The following LRRK1 variants were observed in gnomAD, a reference collection of about 807,000 sequenced individuals.
LRRK1 encodes leucine-rich repeat serine/threonine-protein kinase 1.
A neutral mutation model predicts 209.1 loss-of-function variants in LRRK1; 113 were observed. The observed-to-expected ratio is 0.54, with a 90% CI of 0.46 to 0.63. The LOEUF (loss-of-function observed/expected upper bound fraction) is 0.63. Ranked by LOEUF, LRRK1 falls within the 30% of genes least tolerant of loss-of-function variation. LRRK1 has a pLI of 0.00. For synonymous variants in LRRK1, 1,144 were observed against 1,099.7 expected, an observed-to-expected ratio of 1.04 and a Z score of -0.80; for missense variants, 2,284 against 2,632.2, an observed-to-expected ratio of 0.87 and a Z score of 2.89.
chr15:101,054,586 C>G (rs1017660343), intron 26 of LRRK1, among the ~76,000 whole-genome samples: 1 of 152,164 alleles, frequency 6.6e-6, no homozygotes, highest in Admixed American at 6.5e-5. Context: ...GCGGGCAGGT[C>G]GCTTAAAGCC....
chr15:101,012,069 G>A lies in LRRK1; in HGVS notation c.1343G>A (p.Trp448Ter). 1 of 1,612,162 alleles carries A rather than the reference G, an allele frequency of 6.2e-7. No individual in the cohort carries two copies. Among genetic ancestry groups the A allele is most frequent in the Non-Finnish European group, 8.5e-7 (1 of 1,179,022 alleles). ...ECLPDKMAVF[W>*]KNHLKDVDFS... ...CTGCCAGACAAAATGGCTGTCTTTT[G>A]GAAAAATCACCTGAAGGATGTGGAT... Residue 448 changes from tryptophan (W) to a stop codon, truncating the protein, a stop_gained, in exon 10 of 34, where the codon TGG becomes TAG. Coordinates refer to ENST00000388948, the MANE Select transcript of LRRK1 (RefSeq NM_024652.6). LOFTEE classifies it high-confidence loss of function.
chr15:101,004,752 TTCAGGGCTCCAGCCCCAGC>T (rs2032863271), intron 6 of LRRK1, among the ~76,000 whole-genome samples: 1 of 152,196 alleles, frequency 6.6e-6, no homozygotes, highest in Non-Finnish European at 1.5e-5. Flanking sequence ...CCTTCTGCAG[TTCAGGGCTCCAGCCCCAGC>T]TCAGGGGATG....
At chr15:100,955,362 T>C (rs993038250) in intron 2 of LRRK1, among the ~76,000 whole-genome samples, 4 of 152,238 alleles carry the variant, frequency 2.6e-5, no homozygotes, top group African/African-American at 7.2e-5. Context: ...GTCCTGCAAC[T>C]TTACTGAATT....
At chr15:100,960,445 T>G (rs554654086) in intron 2 of LRRK1, among the ~76,000 whole-genome samples, 2 of 152,280 alleles carry the variant, frequency 1.3e-5, no homozygotes, top group East Asian at 3.9e-4. Flanking sequence ...GTGTGTGTGT[T>G]TATCTTCGAA....
chr15:101,023,343 A>T (rs1399131905), intron 15 of LRRK1, among the ~76,000 whole-genome samples: 1 of 152,172 alleles, frequency 6.6e-6, no homozygotes, highest in Admixed American at 6.5e-5. Context: ...AAATTTTTTG[A>T]GTCCATCCAT....
intron 2 of LRRK1, among the ~76,000 whole-genome samples, chr15:100,942,407 A>G (rs911268974): frequency 4.6e-5 from 7 of 152,126 alleles, no homozygotes; most frequent in African/African-American, 9.7e-5. Context: ...CTCTATTTCT[A>G]TTAGGGAAAA....
intron 12 of LRRK1, 55 bp downstream of exon 12, chr15:101,015,457 T>C: frequency 7.3e-7 from 1 of 1,374,872 alleles, no homozygotes; most frequent in East Asian, 2.4e-5. Flanking sequence ...GGTAGCCTGG[T>C]TCCTGCTCCA....
At chr15:101,053,497 G>A in intron 26 of LRRK1, 77 bp downstream of exon 26, 1 of 1,325,728 alleles carries the variant, frequency 7.5e-7, no homozygotes, top group Non-Finnish European at 1.0e-6. Context: ...ACGGGGGGTA[G>A]AGCCTCAGGT....
chr15:101,008,862 T>A lies in LRRK1; in HGVS notation c.788T>A (p.Leu263His), dbSNP rs369330842. 1 of 1,614,042 alleles carries A rather than the reference T, an allele frequency of 6.2e-7. No individual in the cohort carries two copies. Among genetic ancestry groups the A allele is most frequent in the Non-Finnish European group, 8.5e-7 (1 of 1,179,978 alleles). Residue 263 changes from leucine (L) to histidine (H), a missense_variant, in exon 7 of 34, where the codon CTC (leucine) becomes CAC (histidine). This residue lies in a region of LRRK1 where 494 missense variants were observed against 522.1 expected (regional missense o/e 0.95). Transcript: ENST00000388948. ...GCTCTCCGTGTGAAATGGTCCCATCTCAGACTGCCCTGGGTAGACCTAGAC... is the reference window on the plus strand; with the variant it reads ...GCTCTCCGTGTGAAATGGTCCCATCACAGACTGCCCTGGGTAGACCTAGAC... Reference protein sequence around the residue: ...KTALRVKWSHLRLPWVDLDWL... With the variant: ...KTALRVKWSHHRLPWVDLDWL...
intron 12 of LRRK1, among the ~76,000 whole-genome samples, chr15:101,019,379 G>GA (rs920436558): frequency 6.6e-5 from 10 of 151,642 alleles, no homozygotes; most frequent in African/African-American, 1.9e-4. Context: ...TTCATTGAAG[G>GA]AAAAAAAAGG....
chr15:100,982,481 C>T (rs904571988), intron 3 of LRRK1, among the ~76,000 whole-genome samples: 1 of 152,214 alleles, frequency 6.6e-6, no homozygotes, highest in Non-Finnish European at 1.5e-5. Flanking sequence ...TCTGAACCTC[C>T]ACATCCTTGT....
Position 101,048,519 on chromosome 15 carries a change from A to C in LRRK1, c.3161A>C (p.Lys1054Thr). The change falls in exon 22 of 34, where the codon AAA becomes ACA. Residue 1054 changes from lysine to threonine, a missense_variant. By Grantham distance (78) the Lys-to-Thr change is moderately conservative. Transcript: ENST00000388948. ...LQLFENKKNT[K>T]SRNRKVTIYS... ...CTTTTTGAAAACAAGAAGAATACTA[A>C]AAGCAGGAACAGGAAAGTCACCATT... 1 of 1,601,646 alleles carries C rather than the reference A, an allele frequency of 6.2e-7. No homozygotes were observed. Among genetic ancestry groups the C allele is most frequent in the Non-Finnish European group, 8.5e-7 (1 of 1,176,188 alleles).
chr15:100,928,643 C>G (rs1379366535), intron 2 of LRRK1, among the ~76,000 whole-genome samples: 1 of 152,202 alleles, frequency 6.6e-6, no homozygotes, highest in East Asian at 1.9e-4. Context: ...AAAAGACCCA[C>G]ACTTTAAAAA....
chr15:101,030,812 C>T (rs1276948792), intron 20 of LRRK1, among the ~76,000 whole-genome samples: 2 of 152,120 alleles, frequency 1.3e-5, no homozygotes, highest in Admixed American at 6.6e-5. Flanking sequence ...TATTTGGTTA[C>T]GTAAGTTCTT....
intron 3 of LRRK1, among the ~76,000 whole-genome samples, chr15:100,979,214 A>T (rs1458232290): frequency 6.6e-6 from 1 of 152,328 alleles, no homozygotes; most frequent in East Asian, 1.9e-4. Flanking sequence ...CTCTTAGAAA[A>T]TTAAGAATAG....
At chr15:101,043,696 TA>T (rs2034892678) in intron 20 of LRRK1, 1 of 152,232 alleles carries the variant, frequency 6.6e-6, no homozygotes, top group Non-Finnish European at 1.5e-5. Context: ...CACAGCAGGT[TA>T]GAATATGAAG....
rs1345903810 is a variant in LRRK1 at position 101,022,958 on chromosome 15, G to C, written c.2067+361G>C. 6.6e-6 allele frequency among the ~76,000 whole-genome samples: 1 copy of C among 151,810 alleles called. No homozygotes were observed. Among genetic ancestry groups the C allele is most frequent in the East Asian group, 1.9e-4 (1 of 5,190 alleles). On this transcript the variant is annotated intron_variant, in intron 15 of 33. Coordinates refer to ENST00000388948, the MANE Select transcript of LRRK1 (RefSeq NM_024652.6). This position sits in a 1 kb window ranked among gnomAD's most constrained non-coding sequence, Gnocchi z 4.0. ...CTCTGGGACAGTGGTTCTTAACCCC[G>C]GCTGTCTGTTAGATTCCCTTGAGGG... is the stretch of plus-strand genomic sequence containing the variant.
intron 6 of LRRK1, among the ~76,000 whole-genome samples, chr15:100,994,018 A>C (rs536963367): frequency 6.6e-6 from 1 of 152,338 alleles, no homozygotes; most frequent in Admixed American, 6.5e-5. Flanking sequence ...AATATTAGTT[A>C]TATTGCTATT....
Position 100,973,957 on chromosome 15 carries a change from A to G in LRRK1, c.251A>G (p.Gln84Arg). 8.0e-7 allele frequency: 1 copy of G among 1,250,390 alleles called. No homozygotes were observed. The highest frequency in any genetic ancestry group is 1.0e-6 in the Non-Finnish European group (1 of 991,706). The allele number at this position is 1,250,390 out of a possible 1,614,324, so 77.5% of individuals were successfully genotyped here. ...GAGGCCTGCGACCAGTGCGCGTCCC[A>G]GCTGGAAAAGGTAGGGGAGCGCCTG... ...LEEACDQCAS[Q>R]LEKGQLLSIP... is the part of the protein sequence containing the mutation. Residue 84 changes from glutamine to arginine, a missense_variant, in exon 3 of 34, where the codon CAG (glutamine) becomes CGG (arginine). Around this residue, in one of 6 missense-constraint regions of LRRK1, gnomAD observed 174 missense variants for 133.5 expected, o/e 1.30. Transcript: ENST00000388948.
Sources: gnomAD v4.1 joint callset for allele counts (sites outside exome capture counted in the v4.1 genomes callset) on GRCh38, gnomAD v4.1.1 for gene constraint, gnomAD v4.1.1 regional missense constraint, Gnocchi (gnomAD v3.1) non-coding constraint, MANE v1.5 for transcripts, NCBI Gene and HGNC (gene_info 2026-07-23, HGNC 2026-07-21) for gene names.